The following AP3M1 variants were observed in gnomAD, a reference collection of about 807,000 sequenced individuals.
AP3M1 encodes the protein adaptor related protein complex 3 subunit mu 1.
In AP3M1, 29 loss-of-function variants were observed where a neutral mutation model predicts 42.6. The ratio of observed to expected loss-of-function variants is 0.68; its 90% CI spans 0.51 to 0.93. The LOEUF is 0.93. Among genes scored for constraint, AP3M1 ranks in the 40% least tolerant of loss-of-function variants. The pLI, the probability that AP3M1 is intolerant of heterozygous loss-of-function variation, is 0.00. For synonymous variants in AP3M1, 178 were observed against 175.3 expected (o/e 1.02, Z -0.12); for missense variants, 416 against 510.2 (o/e 0.82, Z 1.78).
chr10:74,136,921 C>CAT, intron 2 of AP3M1, 118 bp from the exon 3 acceptor site: 1 of 655,928 alleles, frequency 1.5e-6, no homozygotes, highest in Non-Finnish European at 2.3e-6. Context: ...AGCTGCTGAA[C>CAT]ATATATAAAA....
At chr10:74,136,870 G>A in intron 2 of AP3M1, 67 bp from the exon 3 acceptor site, 3 of 1,099,802 alleles carry the variant, frequency 2.7e-6, no homozygotes, top group Non-Finnish European at 3.8e-6. Context: ...AATACTTTTT[G>A]TTCTGAAGAA....
intron 1 of AP3M1, among the ~76,000 whole-genome samples, chr10:74,144,780 A>G (rs1307281437): frequency 3.3e-5 from 5 of 151,408 alleles, no homozygotes; most frequent in Non-Finnish European, 5.9e-5. Context: ...CTCCTGCCTC[A>G]GCCTCCCGAG....
intron 1 of AP3M1, among the ~76,000 whole-genome samples, chr10:74,145,539 G>C (rs1841302091): frequency 2.0e-5 from 3 of 152,092 alleles, no homozygotes; most frequent in Admixed American, 6.6e-5. Flanking sequence ...AAATTAGCCT[G>C]TTTCTTTATT....
chr10:74,133,491 G>A (rs1234772604), intron 4 of AP3M1, among the ~76,000 whole-genome samples: 1 of 151,874 alleles, frequency 6.6e-6, no homozygotes, highest in Non-Finnish European at 1.5e-5. Flanking sequence ...AATCCAGGAG[G>A]TGAAGGTTCC....
chr10:74,126,332 A>G lies in AP3M1; in HGVS notation c.827T>C (p.Val276Ala). ...SQNLVAIPVY[V>A]KHSISFKENS... ...CTCCTTAAAGCTGATACTATGTTTCACATACACTGGTATTGCCACTAGACT... is the reference window on the plus strand; with the variant it reads ...CTCCTTAAAGCTGATACTATGTTTCGCATACACTGGTATTGCCACTAGACT... Residue 276 changes from valine (V) to alanine (A), a missense_variant, in exon 7 of 9, where the codon GTG (valine) becomes GCG (alanine). Coordinates refer to ENST00000355264, the MANE Select transcript of AP3M1 (RefSeq NM_012095.6). 6.2e-7 allele frequency: 1 copy of G among 1,614,108 alleles called. No homozygotes were observed. Among genetic ancestry groups the G allele is most frequent in the South Asian group, 1.1e-5 (1 of 91,086 alleles).
intron 6 of AP3M1, among the ~76,000 whole-genome samples, chr10:74,127,899 G>A (rs1840663983): frequency 1.3e-5 from 2 of 151,784 alleles, no homozygotes; most frequent in East Asian, 2.0e-4. Context: ...TCTGGAGTTC[G>A]AGACCAGTCT....
chr10:74,145,115 T>C (rs936533298), intron 1 of AP3M1, among the ~76,000 whole-genome samples: 1 of 152,242 alleles, frequency 6.6e-6, no homozygotes, highest in African/African-American at 2.4e-5. Context: ...AAATCATTCA[T>C]CCTATCGAAA....
intron 2 of AP3M1, among the ~76,000 whole-genome samples, chr10:74,137,559 T>C (rs962205647): frequency 3.9e-5 from 6 of 152,192 alleles, no homozygotes; most frequent in Non-Finnish European, 8.8e-5. Context: ...GAGGGCATTA[T>C]TGTTTCCTGA....
intron 4 of AP3M1, 53 bp downstream of exon 4, chr10:74,133,974 T>G: frequency 6.2e-7 from 1 of 1,601,872 alleles, no homozygotes; most frequent in South Asian, 1.1e-5. Flanking sequence ...TTTCTATTCA[T>G]CTGTGTCAGA....
chr10:74,144,276 T>G (rs1841260695), intron 1 of AP3M1, among the ~76,000 whole-genome samples: 1 of 152,052 alleles, frequency 6.6e-6, no homozygotes, highest in Non-Finnish European at 1.5e-5. Context: ...ATTTTTATTT[T>G]TTTTTTGAGA....
At chr10:74,126,970 C>CAAAAAAAAAAAA in intron 6 of AP3M1, among the ~76,000 whole-genome samples, 1 of 32,346 alleles carries the variant, frequency 3.1e-5, no homozygotes, top group Non-Finnish European at 5.2e-5. Flanking sequence ...GACGCCATCT[C>CAAAAAAAAAAAA]AAAAAAAAAA....
rs1347069448 is a variant in AP3M1 at position 74,123,832 on chromosome 10, C to A, written c.1235G>T (p.Gly412Val). Residue 412 changes from glycine (G) to valine (V), a missense_variant, in exon 9 of 9, where the codon GGA becomes GTA. Gly to Val is a moderately radical substitution (Grantham distance 109, BLOSUM62 -3). Coordinates refer to ENST00000355264, the MANE Select transcript of AP3M1 (RefSeq NM_012095.6). Reference sequence around the variant, plus strand: ...TTCTCATGTCCTCACTTGGAACTTTCCAGCTTTCGTGACGTATTTGACTCC... The same window carrying A: ...TTCTCATGTCCTCACTTGGAACTTTACAGCTTTCGTGACGTATTTGACTCC... ...FKGVKYVTKA[G>V]KFQVRT is the part of the protein sequence containing the mutation. 6.2e-7 allele frequency: 1 copy of A among 1,614,164 alleles called. No homozygotes were observed. The highest frequency in any genetic ancestry group is 8.5e-7 in the Non-Finnish European group (1 of 1,180,028).
chr10:74,124,378 AC>A lies in AP3M1; in HGVS notation c.1156+1del. The A allele has an allele frequency of 3.1e-6, 5 of 1,605,262 alleles. No individual in the cohort carries two copies. Among genetic ancestry groups the A allele is most frequent in the Non-Finnish European group, 4.2e-6 (5 of 1,177,790 alleles). ...TTAACTACAAGTCAACCTTATCCTTACCTGAAATAGCAAGCTGCTGGATCTT... is the reference window on the plus strand; with the variant it reads ...TTAACTACAAGTCAACCTTATCCTTACTGAAATAGCAAGCTGCTGGATCTT... On this transcript the variant is annotated splice_donor_variant, in intron 8 of 8. Transcript: ENST00000355264. LOFTEE classifies it high-confidence loss of function.
At chr10:74,131,027 G>A (rs1376206136) in intron 4 of AP3M1, among the ~76,000 whole-genome samples, 6 of 152,138 alleles carry the variant, frequency 3.9e-5, no homozygotes, top group East Asian at 2.0e-4. Flanking sequence ...CAGGAGAATC[G>A]CTTGAACGTA....
intron 1 of AP3M1, among the ~76,000 whole-genome samples, chr10:74,145,047 G>A (rs1369937596): frequency 1.3e-5 from 2 of 152,186 alleles, no homozygotes; most frequent in African/African-American, 4.8e-5. Context: ...TGCTGAGGAA[G>A]TTTAATAAAT....
chr10:74,137,165 G>A lies in AP3M1; in HGVS notation c.274-362C>T, dbSNP rs1326447977. Among the ~76,000 whole-genome samples, 8 of 152,254 alleles carry A rather than the reference G, an allele frequency of 5.3e-5. No individual in the cohort carries two copies. The East Asian group carries it at 7.7e-4, about 15-fold the overall frequency. ...TGAGGCGGGAGGATTGCTTGAACCCGGGAGGCGGAGGTTGCGGTGAGCCAA... is the reference window on the plus strand; with the variant it reads ...TGAGGCGGGAGGATTGCTTGAACCCAGGAGGCGGAGGTTGCGGTGAGCCAA... On this transcript the variant is annotated intron_variant, in intron 2 of 8. Transcript: ENST00000355264.
rs766332747 is a variant in AP3M1 at position 74,129,184 on chromosome 10, C to T, written c.727G>A (p.Glu243Lys). Reference protein sequence around the residue: ...FHPCIRFKRWESERVLSFIPP... With the variant: ...FHPCIRFKRWKSERVLSFIPP... The stretch of plus-strand genomic sequence containing the variant: ...ATAAATGACAAAACTCTTTCAGATT[C>T]CCAACGCTTGAACCGGATGCAGGGG... Residue 243 changes from glutamate (E) to lysine (K), a missense_variant, in exon 6 of 9, where the codon GAA becomes AAA. Transcript: ENST00000355264. 3.7e-6 allele frequency: 6 copies of T among 1,613,966 alleles called. No individual in the cohort carries two copies. In the African/African-American group the frequency reaches 8.0e-5, roughly 22 times the overall value.
rs1427946151 is a variant in AP3M1 at position 74,136,805 on chromosome 10, T to C, written c.274-2A>G. ...CTCTGAACACTCACCAAAGTAGTCC[T>C]GACAAAATACACACAAAATATCACA... On this transcript the variant is annotated splice_acceptor_variant, in intron 2 of 8. Coordinates refer to ENST00000355264, the MANE Select transcript of AP3M1 (RefSeq NM_012095.6). LOFTEE classifies it high-confidence loss of function. 2 of 1,481,068 alleles carry C rather than the reference T, an allele frequency of 1.4e-6. No homozygotes were observed. Among genetic ancestry groups the C allele is most frequent in the African/African-American group, 2.8e-5 (2 of 71,928 alleles). 91.7% of individuals were successfully genotyped at this position (1,481,068 alleles called of 1,614,324 possible). A position where few individuals can be genotyped will look rare whatever the true frequency, so the allele number is the denominator to read the frequency against.
chr10:74,149,643 T>C (rs190900199), intron 1 of AP3M1, among the ~76,000 whole-genome samples: 1 of 152,296 alleles, frequency 6.6e-6, no homozygotes, highest in Admixed American at 6.5e-5. Flanking sequence ...ACTTCTCCTA[T>C]AGTGTCAATT....
Sources: gnomAD v4.1 joint callset for allele counts (sites outside exome capture counted in the v4.1 genomes callset) on GRCh38, gnomAD v4.1.1 for gene constraint, MANE v1.5 for transcripts, NCBI Gene and HGNC (gene_info 2026-07-23, HGNC 2026-07-21) for gene names.